The following RANBP3L variants were observed in gnomAD, a reference collection of about 807,000 sequenced individuals.
RANBP3L encodes ran-binding protein 3-like.
Under a neutral mutation model 67.2 loss-of-function variants are expected in RANBP3L, and 56 were observed. The ratio of observed to expected loss-of-function variants is 0.83; its 90% CI spans 0.67 to 1.04. RANBP3L has a LOEUF of 1.04. Among genes scored for constraint, RANBP3L ranks in the 50% least tolerant of loss-of-function variants. The pLI, the probability that RANBP3L is intolerant of heterozygous loss-of-function variation, is 0.00. For missense variants in RANBP3L, 496 were observed against 535.5 expected, an observed-to-expected ratio of 0.93 and a Z score of 0.73; for synonymous variants, 164 against 181.4, an observed-to-expected ratio of 0.90 and a Z score of 0.77.
chr5:36,291,332 T>A (rs1751742936), intron 1 of RANBP3L, among the ~76,000 whole-genome samples: 1 of 151,842 alleles, frequency 6.6e-6, no homozygotes, highest in Non-Finnish European at 1.5e-5. Flanking sequence ...TCATTTAACT[T>A]TTTTATTTTT....
chr5:36,264,688 C>T (rs953404421), intron 6 of RANBP3L, among the ~76,000 whole-genome samples: 6 of 152,186 alleles, frequency 3.9e-5, no homozygotes, highest in African/African-American at 1.4e-4. Flanking sequence ...TCCCCATTCT[C>T]ACACAGGGTC....
At chr5:36,265,912 G>T (rs750907466) in intron 4 of RANBP3L, among the ~76,000 whole-genome samples, 1 of 150,224 alleles carries the variant, frequency 6.7e-6, no homozygotes, top group Non-Finnish European at 1.5e-5. Context: ...AGGAGGTGGA[G>T]GTTGCAGTGA....
intron 1 of RANBP3L, among the ~76,000 whole-genome samples, chr5:36,288,884 A>T (rs1454854493): frequency 6.7e-6 from 1 of 149,982 alleles, no homozygotes; most frequent in African/African-American, 2.5e-5. Context: ...TATATTTGAC[A>T]TTTTTCTCCC....
At chr5:36,287,166 C>T (rs116916080) in intron 1 of RANBP3L, among the ~76,000 whole-genome samples, 9 of 152,254 alleles carry the variant, frequency 5.9e-5, no homozygotes, top group East Asian at 3.9e-4. Flanking sequence ...ATAGGGTTCA[C>T]GCTCCAGTGA....
At chr5:36,256,503 G>T (rs1228903805) in intron 10 of RANBP3L, among the ~76,000 whole-genome samples, 1 of 152,034 alleles carries the variant, frequency 6.6e-6, no homozygotes, top group African/African-American at 2.4e-5. Flanking sequence ...TGAATTACAT[G>T]AAATTCTAAA....
chr5:36,283,532 A>G (rs969117226), intron 1 of RANBP3L, among the ~76,000 whole-genome samples: 1 of 135,852 alleles, frequency 7.4e-6, no homozygotes, highest in Non-Finnish European at 1.5e-5. Flanking sequence ...TGCTCTGTAT[A>G]TAAAAATACA....
intron 1 of RANBP3L, among the ~76,000 whole-genome samples, chr5:36,287,767 G>A (rs566462415): frequency 2.6e-5 from 4 of 152,230 alleles, no homozygotes; most frequent in African/African-American, 9.6e-5. Flanking sequence ...GTTATTAATA[G>A]AGAAGTTCTA....
At chr5:36,290,061 C>T (rs527311540) in intron 1 of RANBP3L, among the ~76,000 whole-genome samples, 1 of 152,216 alleles carries the variant, frequency 6.6e-6, no homozygotes, top group Non-Finnish European at 1.5e-5. Flanking sequence ...TGCTCTATTC[C>T]AAATCCCTTG....
chr5:36,264,097 A>T (rs897773832), intron 6 of RANBP3L, among the ~76,000 whole-genome samples: 1 of 152,202 alleles, frequency 6.6e-6, no homozygotes, highest in Non-Finnish European at 1.5e-5. Context: ...ATATAAAAAG[A>T]TGTTGAATGG....
rs1750050296 is a variant in RANBP3L, at chr5:36,269,424, A to G, written c.234T>C (p.Phe78=). ...FPTKRVRSSS[F]TFHITDSQSQ... ...ACTGAGAATCTGTAATATGAAAAGTAAAAGATGAAGACCGTACACGCTTTG... is the reference window on the plus strand; with the variant it reads ...ACTGAGAATCTGTAATATGAAAAGTGAAAGATGAAGACCGTACACGCTTTG... The change falls in exon 4 of 14, where the codon TTT becomes TTC. Residue 78 remains phenylalanine (F), a synonymous_variant. Coordinates refer to ENST00000296604, the MANE Select transcript of RANBP3L (RefSeq NM_145000.5). 6.3e-7 allele frequency: 1 copy of G among 1,577,996 alleles called. No homozygotes were observed. Among genetic ancestry groups the G allele is most frequent in the African/African-American group, 1.3e-5 (1 of 74,560 alleles).
In RANBP3L at chr5:36,247,722, A is replaced by G. The variant is rs1748365166; in HGVS notation, c.*1932T>C. On this transcript the variant is annotated 3_prime_UTR_variant, in exon 14 of 14. Coordinates refer to ENST00000296604, the MANE Select transcript of RANBP3L (RefSeq NM_145000.5). The stretch of plus-strand genomic sequence containing the variant: ...AACATGGTGAAACCCCGTCTCTACT[A>G]AAAATACAAAAATTAGCCAGGTATG... 6.6e-6 allele frequency among the ~76,000 whole-genome samples: 1 copy of G among 152,114 alleles called. No individual in the cohort carries two copies. The highest frequency in any genetic ancestry group is 2.1e-4 in the South Asian group (1 of 4,822).
At chr5:36,281,235 T>C (rs964442369) in intron 1 of RANBP3L, among the ~76,000 whole-genome samples, 1 of 152,138 alleles carries the variant, frequency 6.6e-6, no homozygotes, top group Non-Finnish European at 1.5e-5. Context: ...ACCTACCTTA[T>C]AGAGTTGTAA....
Position 36,255,500 on chromosome 5 carries a change from T to C in RANBP3L, c.994A>G (p.Thr332Ala). 1 of 1,611,756 alleles carries C rather than the reference T, an allele frequency of 6.2e-7. No individual in the cohort carries two copies. The highest frequency in any genetic ancestry group is 1.1e-5 in the South Asian group (1 of 90,956). The change falls in exon 11 of 14, where the codon ACT becomes GCT. Residue 332 changes from threonine (T) to alanine (A), a missense_variant. Thr to Ala is a moderately conservative substitution (Grantham distance 58, BLOSUM62 0). Transcript: ENST00000296604. Reference sequence around the variant, plus strand: ...CTTGACTGTAATGTTCCACAGTCAGTGCTTGCTGTGTCATTCAGTCTCAAC... The same window carrying C: ...CTTGACTGTAATGTTCCACAGTCAGCGCTTGCTGTGTCATTCAGTCTCAAC... ...GTLRLNDTAS[T>A]DCGTLQSRLI...
In RANBP3L at chr5:36,251,539, A is replaced by T. The variant is rs773231568; in HGVS notation, c.1168-40T>A. The T allele has an allele frequency of 2.7e-6, 4 of 1,476,704 alleles. No homozygotes were observed. In the South Asian group the frequency reaches 5.1e-5, roughly 19 times the overall value. The allele number at this position is 1,476,704 out of a possible 1,614,324, so 91.5% of individuals were successfully genotyped here. The stretch of plus-strand genomic sequence containing the variant: ...TTAAATTGTTAAGAAAATCATTAAT[A>T]TGTTAGCTACATTTTACAGATTTTT... On this transcript the variant is annotated intron_variant, in intron 12 of 13. Coordinates refer to ENST00000296604, the MANE Select transcript of RANBP3L (RefSeq NM_145000.5).
intron 10 of RANBP3L, chr5:36,256,677 G>T: frequency 2.5e-6 from 1 of 403,686 alleles, no homozygotes. Flanking sequence ...ATTAAAGCAG[G>T]ATACTTGGCT....
chr5:36,295,673 G>GTTT (rs11318481), intron 1 of RANBP3L, among the ~76,000 whole-genome samples: 52 of 120,550 alleles, frequency 4.3e-4, no homozygotes, highest in Middle Eastern at 3.8e-3. Flanking sequence ...GTTATATCCT[G>GTTT]TTTTTTTTTT....
chr5:36,274,721 T>A (rs1031020876), intron 1 of RANBP3L, among the ~76,000 whole-genome samples: 2 of 152,104 alleles, frequency 1.3e-5, no homozygotes, highest in Non-Finnish European at 2.9e-5. Flanking sequence ...TGCTTTGATA[T>A]GCATTTTTTC....
chr5:36,299,489 G>A (rs1435645011), intron 1 of RANBP3L, among the ~76,000 whole-genome samples: 1 of 151,928 alleles, frequency 6.6e-6, no homozygotes, highest in African/African-American at 2.4e-5. Flanking sequence ...ATAAAATTGA[G>A]AAGGAGTTTA....
chr5:36,271,171 G>A (rs1750181121), intron 2 of RANBP3L, 82 bp downstream of exon 2: 2 of 820,204 alleles, frequency 2.4e-6, no homozygotes, highest in Non-Finnish European at 4.3e-6. Flanking sequence ...ATGCAGCCGT[G>A]ATATCTTTCA....
Sources: allele counts gnomAD v4.1 joint callset (sites outside exome capture counted in the v4.1 genomes callset), GRCh38; gene constraint gnomAD v4.1.1; transcripts MANE v1.5; gene names NCBI Gene and HGNC (gene_info 2026-07-23, HGNC 2026-07-21).